POU2AF3: variants seen among roughly 807,000 people sequenced by gnomAD.
POU2AF3 encodes the protein cancer susceptibility candidate 13.
At chr11:111,299,624 T>A in the POU2AF3 span, 2 of 1,226,922 alleles carry the variant, frequency 1.6e-6, no homozygotes, top group Non-Finnish European at 2.0e-6. Flanking sequence ...GAGTGCAGGG[T>A]CATCGGGAGC....
chr11:111,304,747 A>G, the POU2AF3 span: 5 of 393,958 alleles, frequency 1.3e-5, no homozygotes, highest in Non-Finnish European at 1.8e-5. Context: ...GTTTTTTACA[A>G]TATATTTTGT....
the POU2AF3 span, among the ~76,000 whole-genome samples, chr11:111,302,659 A>T: frequency 6.6e-6 from 1 of 152,214 alleles, no homozygotes; most frequent in South Asian, 2.1e-4. Flanking sequence ...ATAAAGCAGG[A>T]CTTCTGAACC....
chr11:111,298,826 G>GCGGGGGGGGGGCCCC, the POU2AF3 span: 6 of 790,962 alleles, frequency 7.6e-6, no homozygotes, highest in Non-Finnish European at 1.0e-5. Flanking sequence ...CGTACCCCAG[G>GCGGGGGGGGGGCCCC]CCCCCGCCCG....
chr11:111,299,346 A>C, the POU2AF3 span: 1 of 989,140 alleles, frequency 1.0e-6, no homozygotes, highest in Non-Finnish European at 1.2e-6. Context: ...ACTGCAGGGT[A>C]GTGGTCAGGG....
At chr11:111,299,287 C>T in the POU2AF3 span, 12 of 986,928 alleles carry the variant, frequency 1.2e-5, no homozygotes, top group Non-Finnish European at 1.3e-5. Flanking sequence ...GCGCGGTCAC[C>T]CTCGGCCGCC....
At chr11:111,301,131 G>A in the POU2AF3 span, among the ~76,000 whole-genome samples, 1 of 152,154 alleles carries the variant, frequency 6.6e-6, no homozygotes, top group East Asian at 1.9e-4. Flanking sequence ...TAGCAGAAAA[G>A]GGCCCTGTCT....
At chr11:111,302,671 G>T in the POU2AF3 span, among the ~76,000 whole-genome samples, 43 of 152,312 alleles carry the variant, frequency 2.8e-4, no homozygotes, top group African/African-American at 1.0e-3. Flanking sequence ...TTCTGAACCA[G>T]TGTCTTATAG....
the POU2AF3 span, among the ~76,000 whole-genome samples, chr11:111,307,422 G>A: frequency 5.3e-5 from 8 of 152,176 alleles, no homozygotes; most frequent in Non-Finnish European, 8.8e-5. Context: ...GAGCGGATGG[G>A]AAATTAACTC....
the POU2AF3 span, chr11:111,308,128 G>A: frequency 8.4e-6 from 13 of 1,548,970 alleles, no homozygotes; most frequent in Admixed American, 2.0e-5. Context: ...ACAGTTACTC[G>A]CCAGTGCAGC....
chr11:111,300,011 T>C, the POU2AF3 span: 1 of 397,206 alleles, frequency 2.5e-6, no homozygotes, highest in Non-Finnish European at 4.4e-6. Flanking sequence ...AAGCCACACC[T>C]GGCCAGGCGG....
At chr11:111,302,990 G>A in the POU2AF3 span, among the ~76,000 whole-genome samples, 1 of 152,188 alleles carries the variant, frequency 6.6e-6, no homozygotes, top group South Asian at 2.1e-4. Context: ...TTAAGCCAAG[G>A]AGAGGGTTAA....
chr11:111,298,826 G>GCGGGGGGGGCCCC, the POU2AF3 span: 21 of 790,952 alleles, frequency 2.7e-5, no homozygotes, highest in Middle Eastern at 4.3e-4. Context: ...CGTACCCCAG[G>GCGGGGGGGGCCCC]CCCCCGCCCG....
chr11:111,300,639 C>G, the POU2AF3 span: 1 of 1,208,152 alleles, frequency 8.3e-7, no homozygotes, highest in Non-Finnish European at 1.0e-6. Flanking sequence ...TAAGCCCTTC[C>G]CTCATTCCCC....
At chr11:111,299,711 C>A in the POU2AF3 span, 1 of 1,232,048 alleles carries the variant, frequency 8.1e-7, no homozygotes, top group South Asian at 4.1e-5. Context: ...ACGCCTGCCC[C>A]AGAAAGGGAG....
chr11:111,302,740 C>G, the POU2AF3 span, among the ~76,000 whole-genome samples: 4 of 152,280 alleles, frequency 2.6e-5, no homozygotes, highest in East Asian at 5.8e-4. Flanking sequence ...TCAGCCTATG[C>G]CCTCGCAAGC....
At chr11:111,308,079 C>T in the POU2AF3 span, 1 of 1,498,218 alleles carries the variant, frequency 6.7e-7, no homozygotes, top group African/African-American at 1.4e-5. Flanking sequence ...ATCCCAGGAT[C>T]ACCTTCAAAT....
the POU2AF3 span, chr11:111,299,763 G>A: frequency 8.2e-6 from 10 of 1,213,028 alleles, no homozygotes; most frequent in African/African-American, 1.6e-5. Context: ...TAGGAGCGGG[G>A]GCGAAGGAGG....
chr11:111,302,869 G>A, the POU2AF3 span, among the ~76,000 whole-genome samples: 1 of 152,212 alleles, frequency 6.6e-6, no homozygotes, highest in African/African-American at 2.4e-5. Flanking sequence ...TAGTAGGCAA[G>A]GGTAGCAGAC....
chr11:111,298,826 G>A, the POU2AF3 span: 1 of 790,962 alleles, frequency 1.3e-6, no homozygotes, highest in Non-Finnish European at 1.7e-6. Context: ...CGTACCCCAG[G>A]CCCCCGCCCG....
Sources: gnomAD v4.1 joint callset for allele counts (sites outside exome capture counted in the v4.1 genomes callset) on GRCh38, gnomAD v4.1.1 for gene constraint, MANE v1.5 for transcripts, NCBI Gene and HGNC (gene_info 2026-07-23, HGNC 2026-07-21) for gene names.